The following ADAM33 variants were observed in gnomAD, a reference collection of about 807,000 sequenced individuals.
The protein encoded by ADAM33 is disintegrin and metalloproteinase domain-containing protein 33.
In ADAM33, 103 loss-of-function variants were observed where a neutral mutation model predicts 106.2. The ratio of observed to expected loss-of-function variants is 0.97; its 90% CI spans 0.83 to 1.14. The LOEUF (loss-of-function observed/expected upper bound fraction) is 1.14. ADAM33 is among the 50% of genes most tolerant of loss of function. ADAM33 has a pLI of 0.00. For missense variants in ADAM33, 1,120 were observed against 1,096.6 expected (o/e 1.02, Z -0.30); for synonymous variants, 483 against 453.0 (o/e 1.07, Z -0.84).
chr20:3,668,815 C>T lies in ADAM33; in HGVS notation c.*148G>A, dbSNP rs1375010280. 10 of 961,580 alleles carry T rather than the reference C, an allele frequency of 1.0e-5. No homozygotes were observed. Among genetic ancestry groups the T allele is most frequent in the African/African-American group, 1.6e-5 (1 of 62,474 alleles). 59.6% of individuals were successfully genotyped at this position (961,580 alleles called of 1,614,324 possible). ...CTCTGGGTTCCTGGAGTGGGTGGGT[C>T]GAAGCTCCACTCGGGGAAGAAACTT... On this transcript the variant is annotated 3_prime_UTR_variant, in exon 22 of 22. Coordinates refer to ENST00000356518, the MANE Select transcript of ADAM33 (RefSeq NM_025220.5).
In ADAM33 at chr20:3,673,342, C is replaced by A; in HGVS notation, c.1133+12G>T. 6.5e-7 allele frequency: 1 copy of A among 1,537,688 alleles called. No homozygotes were observed. The highest frequency in any genetic ancestry group is 1.2e-5 in the South Asian group (1 of 84,102). On this transcript the variant is annotated intron_variant, in intron 11 of 21. Transcript: ENST00000356518. ...GCCGCCCCGCCGCAGCCCCGACCCC[C>A]CACCCGCGTACCCGGTGGCCGCAGC...
chr20:3,669,848 G>A, intron 19 of ADAM33: 2 of 664,338 alleles, frequency 3.0e-6, no homozygotes, highest in Non-Finnish European at 5.4e-6. Flanking sequence ...CATGCCCTCG[G>A]CTGGCACCTC....
chr20:3,669,374 G>A lies in ADAM33; in HGVS notation c.2333-4C>T. The A allele has an allele frequency of 6.2e-7, 1 of 1,605,076 alleles. No homozygotes were observed. Among genetic ancestry groups the A allele is most frequent in the South Asian group, 1.1e-5 (1 of 89,036 alleles). On this transcript the variant is annotated splice_polypyrimidine_tract_variant and splice_region_variant and intron_variant, in intron 20 of 21. Transcript: ENST00000356518. Reference sequence around the variant, plus strand: ...GGCTCATGAGAGTTCTCAGGGTCTGGGAGAAATGGTGGAGGGTAAATGTTG... The same window carrying A: ...GGCTCATGAGAGTTCTCAGGGTCTGAGAGAAATGGTGGAGGGTAAATGTTG...
chr20:3,681,847 T>C (rs200109164), intron 1 of ADAM33, 61 bp downstream of exon 1: 2 of 1,555,378 alleles, frequency 1.3e-6, no homozygotes, highest in Admixed American at 1.9e-5. Context: ...GCAGAACCCA[T>C]CCCCGCCACC....
Position 3,681,956 on chromosome 20 carries a change from G to A in ADAM33, c.49C>T (p.Leu17=). 3 of 1,560,264 alleles carry A rather than the reference G, an allele frequency of 1.9e-6. No individual in the cohort carries two copies. The highest frequency in any genetic ancestry group is 1.7e-6 in the Non-Finnish European group (2 of 1,154,082). The change falls in exon 1 of 22, where the codon CTA becomes TTA. Residue 17 remains leucine (L), a synonymous_variant. Transcript: ENST00000356518. ...ACTGGCCAGAGCAGCAGCAGTAGTA[G>A]CAGCAGCAGCAACGGGGTCCCCCGA... is the stretch of plus-strand genomic sequence containing the variant. ...RARGTPLLLL[L]LLLLLWPVPG... is the part of the protein sequence containing the mutation.
intron 1 of ADAM33, among the ~76,000 whole-genome samples, chr20:3,679,988 C>G (rs1384345166): frequency 2.7e-5 from 4 of 150,920 alleles, no homozygotes; most frequent in African/African-American, 7.4e-5. Context: ...GACACTTGTG[C>G]CCCCCCCATC....
Position 3,674,120 on chromosome 20 carries a change from G to C in ADAM33, c.682C>G (p.Arg228Gly). 1 of 1,614,196 alleles carries C rather than the reference G, an allele frequency of 6.2e-7. No individual in the cohort carries two copies. The highest frequency in any genetic ancestry group is 8.5e-7 in the Non-Finnish European group (1 of 1,180,026). The part of the protein sequence containing the change: ...ADHTLFLTRH[R>G]NLNHTKQRLL... ...CGCTGTTTGGTGTGGTTCAAGTTTC[G>C]GTGCCGAGTCAAGAACTGGGAAGGC... Residue 228 changes from arginine to glycine, a missense_variant, in exon 8 of 22, where the codon CGA (arginine) becomes GGA (glycine). By Grantham distance (125) the Arg-to-Gly change is moderately radical (BLOSUM62 -2). Transcript: ENST00000356518.
Position 3,674,239 on chromosome 20 carries a change from T to C in ADAM33, c.646A>G (p.Ile216Val), listed in dbSNP as rs2087782817. The part of the protein sequence containing the change: ...RRTRKYLELY[I>V]VADHTLFLTR... The stretch of plus-strand genomic sequence containing the variant: ...CTCACCAGGGTGTGGTCTGCCACAA[T>C]GTACAGTTCCAGGTACTTCCGGGTC... Residue 216 changes from isoleucine (I) to valine (V), a missense_variant, in exon 7 of 22, where the codon ATT becomes GTT. Physicochemically the swap from Ile to Val is conservative, Grantham distance 29. Coordinates refer to ENST00000356518, the MANE Select transcript of ADAM33 (RefSeq NM_025220.5). 43 of 1,613,942 alleles carry C rather than the reference T, an allele frequency of 2.7e-5. No homozygotes were observed. The highest frequency in any genetic ancestry group is 3.3e-5 in the Non-Finnish European group (39 of 1,180,034).
At chr20:3,679,470 G>A (rs770906609) in intron 2 of ADAM33, 22 bp downstream of exon 2, 9 of 1,594,088 alleles carry the variant, frequency 5.6e-6, no homozygotes, top group Non-Finnish European at 7.7e-6. Context: ...CCCTGTGGAG[G>A]GCGGGGAGAC....
chr20:3,674,798 C>CT lies in ADAM33; in HGVS notation c.384dup (p.Val129SerfsTer218). On this transcript the variant is annotated frameshift_variant, in exon 5 of 22. Coordinates refer to ENST00000356518, the MANE Select transcript of ADAM33 (RefSeq NM_025220.5). LOFTEE classifies it high-confidence loss of function. ...CTCATCCCAGAGCAGGTGCAGAGGA[C>CT]TACCCAGGAGTCGGGGAAGCCCCTT... 1 of 1,611,010 alleles carries CT rather than the reference C, an allele frequency of 6.2e-7. No homozygotes were observed.
chr20:3,669,684 G>C, intron 19 of ADAM33, 47 bp from the exon 20 acceptor site: 1 of 1,520,948 alleles, frequency 6.6e-7, no homozygotes, highest in Non-Finnish European at 9.0e-7. Context: ...GTGATCCTGA[G>C]TGGGTTATTG....
chr20:3,679,461 C>T, intron 2 of ADAM33, 31 bp downstream of exon 2: 3 of 1,586,120 alleles, frequency 1.9e-6, no homozygotes, highest in South Asian at 2.3e-5. Context: ...GTTCAGGGCC[C>T]CTGTGGAGGG....
chr20:3,678,607 T>C (rs2088177015), intron 2 of ADAM33, among the ~76,000 whole-genome samples: 1 of 152,090 alleles, frequency 6.6e-6, no homozygotes, highest in Admixed American at 6.5e-5. Flanking sequence ...ATGGCAATGC[T>C]CCCCTGCCTT....
chr20:3,673,223 C>T (rs141018034), intron 11 of ADAM33, 131 bp downstream of exon 11: 2 of 1,533,564 alleles, frequency 1.3e-6, no homozygotes, highest in African/African-American at 1.4e-5. Context: ...CATAAACCAC[C>T]CTGAAGCGGA....
chr20:3,677,087 CAGG>C lies in ADAM33; in HGVS notation c.231_233del (p.Leu79del). The stretch of plus-strand genomic sequence containing the variant: ...CTCACTGGTTCTTCTCCAGCTCAAG[CAGG>C]AGCTCCTGGCCTTCAGCCTCCAGGG... On this transcript the variant is annotated inframe_deletion, in exon 3 of 22. Coordinates refer to ENST00000356518, the MANE Select transcript of ADAM33 (RefSeq NM_025220.5). The C allele has an allele frequency of 6.2e-7, 1 of 1,612,940 alleles. No individual in the cohort carries two copies. The highest frequency in any genetic ancestry group is 1.1e-5 in the South Asian group (1 of 91,068).
In ADAM33 at chr20:3,680,608, G is replaced by A. The variant is rs188072569; in HGVS notation, c.98-1037C>T. Among the ~76,000 whole-genome samples, 9 of 152,308 alleles carry A rather than the reference G, an allele frequency of 5.9e-5. No homozygotes were observed. In the East Asian group the frequency reaches 1.5e-3, roughly 26 times the overall value. ...CTGCCACCTTGGAAAGGAGGCTAGA[G>A]GGGCCAGTGCAGGGAGGGCTCTGAG... On this transcript the variant is annotated intron_variant, in intron 1 of 21. Transcript: ENST00000356518.
intron 4 of ADAM33, 54 bp from the exon 5 acceptor site, chr20:3,674,903 C>G: frequency 6.2e-7 from 1 of 1,607,914 alleles, no homozygotes. Flanking sequence ...GCAAGAGGGG[C>G]AAGAGGGAGG....
At position 3,677,157 on chromosome 20, in the gene ADAM33, T is replaced by A. The variant is rs597165; in HGVS notation, c.178-14A>T. 1,370,028 of 1,597,460 alleles carry A rather than the reference T, an allele frequency of 0.86. 588,379 individuals are homozygous for A. Among genetic ancestry groups the A allele is most frequent in the East Asian group, 0.98 (43,114 of 43,976 alleles). On this transcript the variant is annotated splice_polypyrimidine_tract_variant and intron_variant, in intron 2 of 21. Transcript: ENST00000356518. ...TGGCTTCGAGACCTGGGCAAGAAAA[T>A]GTGTGGAGCTGAGATGGTGGCCTCC...
chr20:3,675,374 G>A lies in ADAM33; in HGVS notation c.255-269C>T, dbSNP rs1260304034. Reference sequence around the variant, plus strand: ...ACGCCGGGGAGGAGTGGGAATAGGGGAAGAGTTTGTGGTTCCCAGGGGACC... The same window carrying A: ...ACGCCGGGGAGGAGTGGGAATAGGGAAAGAGTTTGTGGTTCCCAGGGGACC... On this transcript the variant is annotated intron_variant, in intron 3 of 21. Coordinates refer to ENST00000356518, the MANE Select transcript of ADAM33 (RefSeq NM_025220.5). This position sits in a 1 kb window ranked among gnomAD's most constrained non-coding sequence, Gnocchi z 4.1. Among the ~76,000 whole-genome samples, 1 of 152,148 alleles carries A rather than the reference G, an allele frequency of 6.6e-6. No homozygotes were observed. Among genetic ancestry groups the A allele is most frequent in the Non-Finnish European group, 1.5e-5 (1 of 68,012 alleles).
Sources: allele counts gnomAD v4.1 joint callset (sites outside exome capture counted in the v4.1 genomes callset), GRCh38; gene constraint gnomAD v4.1.1; non-coding constraint Gnocchi (gnomAD v3.1); transcripts MANE v1.5; gene names NCBI Gene and HGNC (gene_info 2026-07-23, HGNC 2026-07-21).